Variants in TRPM3 observed in about 807,000 individuals in gnomAD.
The protein encoded by TRPM3 is transient receptor potential cation channel subfamily M member 3.
In TRPM3, 77 loss-of-function variants were observed where a neutral mutation model predicts 181.2. That is an observed-to-expected ratio of 0.42 (90% confidence interval 0.35 to 0.51). The LOEUF is 0.51. Among genes scored for constraint, TRPM3 ranks in the 20% least tolerant of loss-of-function variants. The probability of loss-of-function intolerance (pLI) is 0.01; values close to 1 mark genes in which losing one functional copy is unlikely to be tolerated. For missense variants in TRPM3, 1,759 were observed against 2,196.7 expected (o/e 0.80, Z 3.98); for synonymous variants, 745 against 796.4 (o/e 0.94, Z 1.09).
intron 1 of TRPM3, among the ~76,000 whole-genome samples, chr9:70,913,790 A>T (rs2096562827): frequency 6.6e-6 from 1 of 152,168 alleles, no homozygotes; most frequent in Admixed American, 6.5e-5. Flanking sequence ...ATGTTCTTCC[A>T]GGAGTAAAAT....
intron 1 of TRPM3, among the ~76,000 whole-genome samples, chr9:71,083,162 T>C (rs1232770824): frequency 6.6e-6 from 1 of 152,026 alleles, no homozygotes; most frequent in Non-Finnish European, 1.5e-5. Context: ...GAGATTGAAA[T>C]GGCTGAGTGA....
intron 1 of TRPM3, among the ~76,000 whole-genome samples, chr9:70,915,832 T>C (rs1331341171): frequency 6.6e-6 from 1 of 151,880 alleles, no homozygotes; most frequent in East Asian, 1.9e-4. Flanking sequence ...AAAGGGATAA[T>C]AACATAGAAC....
intron 9 of TRPM3, among the ~76,000 whole-genome samples, chr9:70,664,718 TTGGCTCAC>T (rs2061608056): frequency 6.8e-6 from 1 of 147,028 alleles, no homozygotes; most frequent in South Asian, 2.2e-4. Context: ...TGGCATGATC[TTGGCTCAC>T]TGCAGCCTTT....
chr9:70,667,881 T>A (rs774734607), intron 9 of TRPM3, among the ~76,000 whole-genome samples: 4 of 152,182 alleles, frequency 2.6e-5, no homozygotes, highest in African/African-American at 4.8e-5. Context: ...TGGCCCCAAC[T>A]TCTCTGCAAA....
At chr9:71,373,061 T>C (rs2092567627) in intron 1 of TRPM3, among the ~76,000 whole-genome samples, 1 of 150,906 alleles carries the variant, frequency 6.6e-6, no homozygotes, top group Non-Finnish European at 1.5e-5. Context: ...AATCAAGGAG[T>C]TATTTGAAAC....
intron 1 of TRPM3, among the ~76,000 whole-genome samples, chr9:71,258,663 G>A (rs948680369): frequency 3.3e-5 from 5 of 152,014 alleles, no homozygotes; most frequent in East Asian, 1.9e-4. Flanking sequence ...GTTCCTGTGC[G>A]ATTGCTGGCC....
At chr9:70,912,269 G>GT (rs1165251439) in intron 1 of TRPM3, among the ~76,000 whole-genome samples, 2 of 152,156 alleles carry the variant, frequency 1.3e-5, no homozygotes, top group African/African-American at 4.8e-5. Flanking sequence ...CTCACTTAGT[G>GT]TTTTTTCCCC....
Position 70,529,915 on chromosome 9 carries a change from T to G in TRPM3, c.*6038A>C, listed in dbSNP as rs913941816. On this transcript the variant is annotated 3_prime_UTR_variant, in exon 26 of 26. Transcript: ENST00000677713. ...CCTTACTTACAAACCCTACTTCTGT[T>G]GACTTTCACCAGTCCAGTTCACACA... 1.3e-5 allele frequency: 2 copies of G among 152,256 alleles called. No homozygotes were observed. The highest frequency in any genetic ancestry group is 4.8e-5 in the African/African-American group (2 of 41,466). 9.4% of individuals were successfully genotyped at this position (152,256 alleles called of 1,614,324 possible).
At chr9:70,588,402 C>T (rs997676893) in intron 22 of TRPM3, among the ~76,000 whole-genome samples, 11 of 151,630 alleles carry the variant, frequency 7.3e-5, no homozygotes, top group East Asian at 1.9e-4. Context: ...CATCCATATA[C>T]GTCCAACCCA....
chr9:71,076,905 ATCCT>A (rs2063538363), intron 1 of TRPM3, among the ~76,000 whole-genome samples: 1 of 152,198 alleles, frequency 6.6e-6, no homozygotes, highest in Admixed American at 6.5e-5. Context: ...CTTGTTTACC[ATCCT>A]TTCTCTAATA....
chr9:71,203,525 A>C (rs2078930749), intron 1 of TRPM3, among the ~76,000 whole-genome samples: 1 of 152,180 alleles, frequency 6.6e-6, no homozygotes. Flanking sequence ...GGATGGATAA[A>C]ACTGAGAAAT....
chr9:71,376,238 G>A (rs766103468), intron 1 of TRPM3, among the ~76,000 whole-genome samples: 1 of 151,540 alleles, frequency 6.6e-6, no homozygotes. Flanking sequence ...TAGAAGAAAT[G>A]GAATTTTATA....
rs2096060885 is a variant in TRPM3 at position 70,884,830 on chromosome 9, T to C, written c.178-20319A>G. 4.6e-5 allele frequency among the ~76,000 whole-genome samples: 7 copies of C among 152,318 alleles called. No individual in the cohort carries two copies. In the South Asian group the frequency reaches 1.5e-3, roughly 32 times the overall value. On this transcript the variant is annotated intron_variant, in intron 1 of 25. Coordinates refer to ENST00000677713, the MANE Select transcript of TRPM3 (RefSeq NM_001366145.2). ...AATCAATGACTTGAGGCAAAACTCCTGCTAAAAATCATCCCAGGAGTTTGT... is the reference window on the plus strand; with the variant it reads ...AATCAATGACTTGAGGCAAAACTCCCGCTAAAAATCATCCCAGGAGTTTGT...
chr9:70,618,453 G>A lies in TRPM3; in HGVS notation c.2358+414C>T, dbSNP rs73647104. Among the ~76,000 whole-genome samples, 245 of 152,322 alleles carry A rather than the reference G, an allele frequency of 1.6e-3. 1 individual carries two copies. The highest frequency in any genetic ancestry group is 5.6e-3 in the African/African-American group (231 of 41,578). On this transcript the variant is annotated intron_variant, in intron 17 of 25. Coordinates refer to ENST00000677713, the MANE Select transcript of TRPM3 (RefSeq NM_001366145.2). ...TAAAAAGACCTCTCAAGCACATCTG[G>A]TAAGAGCCAATGTCTCTATGACATG...
chr9:71,375,802 C>T (rs75976431), intron 1 of TRPM3, among the ~76,000 whole-genome samples: 3,528 of 152,236 alleles, frequency 0.023, 133 homozygotes, highest in African/African-American at 0.08. Flanking sequence ...AAGATTACAA[C>T]TCACCAATGG....
intron 1 of TRPM3, among the ~76,000 whole-genome samples, chr9:71,437,599 G>C (rs1016157575): frequency 1.3e-5 from 2 of 152,126 alleles, no homozygotes; most frequent in African/African-American, 2.4e-5. Flanking sequence ...AGCCGGGCGT[G>C]GGGGCTCATG....
At chr9:71,226,947 T>C (rs1167956197) in intron 1 of TRPM3, among the ~76,000 whole-genome samples, 1 of 151,858 alleles carries the variant, frequency 6.6e-6, no homozygotes, top group Non-Finnish European at 1.5e-5. Context: ...CACATTCTTC[T>C]TCTCAGTACA....
At position 70,650,842 on chromosome 9, in the gene TRPM3, A is replaced by G. The variant is rs189075642; in HGVS notation, c.1346-10182T>C. Among the ~76,000 whole-genome samples the G allele has an allele frequency of 1.2e-3, 180 of 152,226 alleles. 1 individual carries two copies. Among genetic ancestry groups the G allele is most frequent in the African/African-American group, 4.1e-3 (169 of 41,562 alleles). ...CATTCTTGAGTGCTATTCATACTTT[A>G]TCTCCTTTTGCTGCCTCATCTACTC... On this transcript the variant is annotated intron_variant, in intron 9 of 25. Coordinates refer to ENST00000677713, the MANE Select transcript of TRPM3 (RefSeq NM_001366145.2).
At chr9:70,898,467 C>T (rs1412254467) in intron 1 of TRPM3, among the ~76,000 whole-genome samples, 2 of 149,272 alleles carry the variant, frequency 1.3e-5, no homozygotes, top group African/African-American at 4.9e-5. Context: ...TATTGGTTTC[C>T]GGCCGGGCAC....
Sources: allele counts gnomAD v4.1 joint callset (sites outside exome capture counted in the v4.1 genomes callset), GRCh38; gene constraint gnomAD v4.1.1; transcripts MANE v1.5; gene names NCBI Gene and HGNC (gene_info 2026-07-23, HGNC 2026-07-21).